The following L3MBTL3 variants were observed in gnomAD, a reference collection of about 807,000 sequenced individuals.
The protein encoded by L3MBTL3 is lethal(3)malignant brain tumor-like protein 3.
L3MBTL3 carries 27 observed loss-of-function variants against 102.3 expected under a neutral mutation model. The ratio of observed to expected loss-of-function variants is 0.26; its 90% CI spans 0.19 to 0.36. The LOEUF is 0.36. L3MBTL3 is among the 10% of genes least tolerant of loss of function. The probability of loss-of-function intolerance (pLI) is 1.00; values close to 1 mark genes in which losing one functional copy is unlikely to be tolerated. For synonymous variants in L3MBTL3, 340 were observed against 320.9 expected (o/e 1.06, Z -0.64); for missense variants, 798 against 955.3 (o/e 0.84, Z 2.17).
At chr6:130,047,619 T>TA (rs1780810716) in intron 3 of L3MBTL3, among the ~76,000 whole-genome samples, 1 of 152,234 alleles carries the variant, frequency 6.6e-6, no homozygotes, top group African/African-American at 2.4e-5. Context: ...TGACATATGA[T>TA]AAAAGTAAAA....
At chr6:130,078,769 T>C (rs1298525608) in intron 14 of L3MBTL3, 135 bp downstream of exon 14, 1 of 597,242 alleles carries the variant, frequency 1.7e-6, no homozygotes, top group Non-Finnish European at 3.0e-6. Context: ...CTCAAAACAG[T>C]TGTAGTGCAA....
At chr6:130,092,334 C>A (rs1444387578) in intron 16 of L3MBTL3, among the ~76,000 whole-genome samples, 2 of 152,082 alleles carry the variant, frequency 1.3e-5, no homozygotes, top group East Asian at 3.9e-4. Flanking sequence ...CCTTTCCTCT[C>A]CTTCCTCTCT....
intron 12 of L3MBTL3, chr6:130,070,744 T>G (rs1250160055): frequency 2.0e-5 from 6 of 304,906 alleles, no homozygotes; most frequent in Admixed American, 4.9e-5. Flanking sequence ...ATATTTTCGT[T>G]TTGAGGCCCA....
intron 2 of L3MBTL3, among the ~76,000 whole-genome samples, chr6:130,041,936 C>T (rs1049940926): frequency 6.6e-6 from 1 of 152,042 alleles, no homozygotes; most frequent in African/African-American, 2.4e-5. Context: ...TTTCAGTGGA[C>T]AAAACTAGAA....
chr6:130,064,905 A>G (rs1037488401), intron 10 of L3MBTL3, among the ~76,000 whole-genome samples: 1 of 152,176 alleles, frequency 6.6e-6, no homozygotes, highest in African/African-American at 2.4e-5. Flanking sequence ...TAGAGGCTGT[A>G]AATTACTATA....
At position 130,094,315 on chromosome 6, in the gene L3MBTL3, G is replaced by A; in HGVS notation, c.1684G>A (p.Gly562Arg). 1.2e-6 allele frequency: 2 copies of A among 1,613,850 alleles called. No homozygotes were observed. The highest frequency in any genetic ancestry group is 1.7e-6 in the Non-Finnish European group (2 of 1,179,860). The change falls in exon 18 of 23, where the codon GGA (glycine) becomes AGA (arginine). Residue 562 changes from glycine to arginine, a missense_variant. By Grantham distance (125) the Gly-to-Arg change is moderately radical (BLOSUM62 -2). Coordinates refer to ENST00000361794, the MANE Select transcript of L3MBTL3 (RefSeq NM_032438.4). ...ASEHGGCSTPGCKGIGHFKRA... is the reference protein window; with the variant it reads ...ASEHGGCSTPRCKGIGHFKRA... Reference sequence around the variant, plus strand: ...AGAACATGGTGGATGCTCAACCCCGGGATGTAAAGGGATTGGCCATTTCAA... The same window carrying A: ...AGAACATGGTGGATGCTCAACCCCGAGATGTAAAGGGATTGGCCATTTCAA...
chr6:130,110,086 T>G (rs915018860), intron 19 of L3MBTL3, among the ~76,000 whole-genome samples: 1 of 152,176 alleles, frequency 6.6e-6, no homozygotes, highest in Non-Finnish European at 1.5e-5. Flanking sequence ...TACCATGCTG[T>G]TTTGGTTACC....
intron 19 of L3MBTL3, among the ~76,000 whole-genome samples, chr6:130,117,638 G>C (rs909748483): frequency 6.6e-6 from 1 of 152,132 alleles, no homozygotes. Flanking sequence ...CAGAATTTGC[G>C]TAATGAAATT....
intron 3 of L3MBTL3, among the ~76,000 whole-genome samples, chr6:130,044,618 C>T (rs543717566): frequency 1.3e-5 from 2 of 152,100 alleles, no homozygotes; most frequent in South Asian, 4.2e-4. Context: ...ACTTTCAGAC[C>T]CATCTAATTA....
intron 9 of L3MBTL3, among the ~76,000 whole-genome samples, chr6:130,058,253 AG>A (rs961904686): frequency 6.6e-6 from 1 of 152,068 alleles, no homozygotes; most frequent in Non-Finnish European, 1.5e-5. Context: ...CTATAATAAA[AG>A]TGTTTTATCA....
intron 1 of L3MBTL3, among the ~76,000 whole-genome samples, chr6:130,019,865 A>AGGGCGCG (rs976267972): frequency 3.0e-5 from 4 of 131,578 alleles, no homozygotes; most frequent in Non-Finnish European, 4.9e-5. Flanking sequence ...CGCGCGGGAG[A>AGGGCGCG]GGGCGCGGGC....
intron 19 of L3MBTL3, among the ~76,000 whole-genome samples, chr6:130,115,107 A>G (rs1054923447): frequency 3.8e-4 from 58 of 151,894 alleles, no homozygotes; most frequent in African/African-American, 1.3e-3. Flanking sequence ...GAAAAACTAC[A>G]TTTTTTAGAG....
At chr6:130,020,393 G>C (rs938733344) in intron 1 of L3MBTL3, 2 of 152,036 alleles carry the variant, frequency 1.3e-5, no homozygotes. Context: ...TGGCACGGGC[G>C]GGGGGAGGGC....
intron 12 of L3MBTL3, among the ~76,000 whole-genome samples, chr6:130,069,646 G>A (rs1010834357): frequency 3.9e-5 from 6 of 152,162 alleles, no homozygotes; most frequent in Non-Finnish European, 8.8e-5. Flanking sequence ...AGGTCAGTTG[G>A]GTGGAAAACT....
At chr6:130,029,135 A>T in intron 2 of L3MBTL3, among the ~76,000 whole-genome samples, 1 of 152,206 alleles carries the variant, frequency 6.6e-6, no homozygotes, top group Admixed American at 6.5e-5. Context: ...CTATAAGTAG[A>T]TGATCAAGAT....
intron 3 of L3MBTL3, among the ~76,000 whole-genome samples, chr6:130,045,488 GT>G (rs1300290783): frequency 6.6e-6 from 1 of 152,124 alleles, no homozygotes; most frequent in Non-Finnish European, 1.5e-5. Context: ...TTTTAAGATA[GT>G]TTTTGTCTCG....
intron 2 of L3MBTL3, among the ~76,000 whole-genome samples, chr6:130,041,628 CTAAA>C (rs1780426029): frequency 6.6e-6 from 1 of 152,266 alleles, no homozygotes; most frequent in Admixed American, 6.5e-5. Context: ...TTCACTGCAG[CTAAA>C]ATTAGTAAGG....
At chr6:130,108,220 G>GTTT (rs376419261) in intron 19 of L3MBTL3, among the ~76,000 whole-genome samples, 9,015 of 117,732 alleles carry the variant, frequency 0.077, 1,294 homozygotes, top group Non-Finnish European at 0.12. Flanking sequence ...ATGTTAGGTG[G>GTTT]TTTTTTTTTT....
rs148374511 is a variant in L3MBTL3, at chr6:130,038,948, T to C, written c.-15-3737T>C. On this transcript the variant is annotated intron_variant, in intron 2 of 22. Coordinates refer to ENST00000361794, the MANE Select transcript of L3MBTL3 (RefSeq NM_032438.4). ...AAGGGGGAAAACAGAAGAAAAAATA[T>C]TGAAGCGTCTAGTAAATTCCAGCAG... Among the ~76,000 whole-genome samples the C allele has an allele frequency of 3.3e-3, 502 of 152,234 alleles. 5 individuals carry two copies. Among genetic ancestry groups the C allele is most frequent in the African/African-American group, 0.011 (472 of 41,552 alleles).
Sources: gnomAD v4.1 joint callset for allele counts (sites outside exome capture counted in the v4.1 genomes callset) on GRCh38, gnomAD v4.1.1 for gene constraint, MANE v1.5 for transcripts, NCBI Gene and HGNC (gene_info 2026-07-23, HGNC 2026-07-21) for gene names.